MCTP2: variants seen among roughly 807,000 people sequenced by gnomAD.
MCTP2 encodes the protein multiple C2 and transmembrane domain-containing protein 2.
In MCTP2, 132 loss-of-function variants were observed where a neutral mutation model predicts 111.6. That is an observed-to-expected ratio of 1.18 (90% CI 1.03 to 1.37). The LOEUF is 1.37. MCTP2 is among the 40% of genes most tolerant of loss of function. MCTP2 has a pLI of 0.00. For missense variants in MCTP2, 1,183 were observed against 1,067.9 expected (o/e 1.11, Z -1.50); for synonymous variants, 395 against 387.7 (o/e 1.02, Z -0.22).
intron 8 of MCTP2, among the ~76,000 whole-genome samples, chr15:94,345,802 A>G (rs1010470749): frequency 3.3e-5 from 5 of 152,236 alleles, no homozygotes; most frequent in Non-Finnish European, 5.9e-5. Context: ...ACAGCAAAAA[A>G]GTATTTGTAA....
rs965910434 is a variant in MCTP2, at chr15:94,340,847, A to C, written c.892A>C (p.Asn298His). The change falls in exon 7 of 23, where the codon AAC becomes CAC. Residue 298 changes from asparagine (N) to histidine (H), a missense_variant. Physicochemically the swap from Asn to His is moderately conservative, Grantham distance 68. Coordinates refer to ENST00000357742, the MANE Select transcript of MCTP2 (RefSeq NM_001385001.1). ...ACATATTTTAAAACTGGAAGATCCA[A>C]ACAGTTTAGAAGATGACATGGGAGT... ...TEHILKLEDP[N>H]SLEDDMGVIV... 1 of 1,612,394 alleles carries C rather than the reference A, an allele frequency of 6.2e-7. No individual in the cohort carries two copies. The highest frequency in any genetic ancestry group is 1.3e-5 in the African/African-American group (1 of 74,828).
chr15:94,244,358 A>G lies in MCTP2; in HGVS notation c.-66+12694A>G, dbSNP rs548639795. On this transcript the variant is annotated intron_variant, in intron 1 of 22. Transcript: ENST00000357742. The stretch of plus-strand genomic sequence containing the variant: ...TATACACGTATACGTATACACATAC[A>G]TATGTATATATACGTATATGTATAC... Among the ~76,000 whole-genome samples, 69 of 149,196 alleles carry G rather than the reference A, an allele frequency of 4.6e-4. 2 individuals are homozygous for G. Among genetic ancestry groups the G allele is most frequent in the African/African-American group, 1.5e-3 (62 of 40,734 alleles).
intron 12 of MCTP2, among the ~76,000 whole-genome samples, chr15:94,377,710 T>A (rs1007150996): frequency 3.3e-5 from 5 of 152,162 alleles, no homozygotes; most frequent in African/African-American, 1.2e-4. Flanking sequence ...AGTGACTGAT[T>A]TAACCAGTGA....
chr15:94,413,436 CT>C (rs552121253), intron 17 of MCTP2, among the ~76,000 whole-genome samples: 17 of 148,222 alleles, frequency 1.1e-4, no homozygotes, highest in Admixed American at 2.0e-4. Flanking sequence ...TTTAAGGCTT[CT>C]TTTTTTTTTA....
chr15:94,285,578 T>A (rs989077261), intron 1 of MCTP2, among the ~76,000 whole-genome samples: 2 of 152,200 alleles, frequency 1.3e-5, no homozygotes, highest in African/African-American at 4.8e-5. Flanking sequence ...TTACACATTT[T>A]ATTGAATTCA....
intron 2 of MCTP2, among the ~76,000 whole-genome samples, chr15:94,303,322 C>T (rs1431453009): frequency 6.6e-6 from 1 of 151,724 alleles, no homozygotes; most frequent in Non-Finnish European, 1.5e-5. Context: ...AAGCATCCAG[C>T]ATGGGAGAAA....
intron 10 of MCTP2, among the ~76,000 whole-genome samples, chr15:94,367,152 A>G (rs2079225743): frequency 6.6e-6 from 1 of 151,000 alleles, no homozygotes; most frequent in South Asian, 2.1e-4. Context: ...TTCTCCATTA[A>G]CCCTCTCCCA....
chr15:94,245,158 ATATT>A (rs1013351756), intron 1 of MCTP2, among the ~76,000 whole-genome samples: 28 of 148,000 alleles, frequency 1.9e-4, no homozygotes, highest in Admixed American at 1.5e-3. Flanking sequence ...ACATGTTTGT[ATATT>A]TATACACATG....
At chr15:94,365,767 AACC>A (rs1432983387) in intron 10 of MCTP2, among the ~76,000 whole-genome samples, 1 of 152,198 alleles carries the variant, frequency 6.6e-6, no homozygotes, top group East Asian at 1.9e-4. Context: ...GAACCAACAA[AACC>A]ACCATCCCAA....
At chr15:94,319,395 G>A (rs1052516967) in intron 4 of MCTP2, among the ~76,000 whole-genome samples, 1 of 152,062 alleles carries the variant, frequency 6.6e-6, no homozygotes, top group East Asian at 1.9e-4. Flanking sequence ...ACAATCCTTT[G>A]GACCAATAGT....
intron 1 of MCTP2, among the ~76,000 whole-genome samples, chr15:94,237,102 T>C (rs2070625978): frequency 6.6e-6 from 1 of 152,138 alleles, no homozygotes; most frequent in Non-Finnish European, 1.5e-5. Flanking sequence ...GATGTTTGGA[T>C]GACCCCAAGG....
intron 21 of MCTP2, among the ~76,000 whole-genome samples, chr15:94,475,077 T>C (rs981592235): frequency 6.6e-6 from 1 of 152,220 alleles, no homozygotes; most frequent in Non-Finnish European, 1.5e-5. Flanking sequence ...CTGTTCTCAA[T>C]ACGTCTTTGT....
chr15:94,339,559 T>C lies in MCTP2; in HGVS notation c.780+127T>C, dbSNP rs146059275. The C allele has an allele frequency of 1.1e-3, 704 of 615,754 alleles. 5 individuals are homozygous for C. The highest frequency in any genetic ancestry group is 5.7e-3 in the African/African-American group (303 of 53,194). 38.1% of individuals were successfully genotyped at this position (615,754 alleles called of 1,614,324 possible). A position where few individuals can be genotyped will look rare whatever the true frequency, so the allele number is the denominator to read the frequency against. Reference sequence around the variant, plus strand: ...TTAGGACAGATTAAAAATAATAATATAGAAAAAATTCCTTATACTGTTTGT... The same window carrying C: ...TTAGGACAGATTAAAAATAATAATACAGAAAAAATTCCTTATACTGTTTGT... On this transcript the variant is annotated intron_variant, in intron 5 of 22. Coordinates refer to ENST00000357742, the MANE Select transcript of MCTP2 (RefSeq NM_001385001.1).
At chr15:94,405,082 A>G (rs1050283704) in intron 17 of MCTP2, among the ~76,000 whole-genome samples, 3 of 152,170 alleles carry the variant, frequency 2.0e-5, no homozygotes, top group Admixed American at 6.5e-5. Context: ...CAGGTCCTCT[A>G]ATTGAAATTA....
chr15:94,269,655 G>A (rs1481538194), intron 1 of MCTP2, among the ~76,000 whole-genome samples: 3 of 152,100 alleles, frequency 2.0e-5, no homozygotes, highest in Non-Finnish European at 2.9e-5. Flanking sequence ...TTCATGTTAG[G>A]AAATACTCAA....
chr15:94,478,918 G>A lies in MCTP2; in HGVS notation c.2569-48G>A, dbSNP rs768362134. 2.6e-5 allele frequency: 41 copies of A among 1,568,670 alleles called. No homozygotes were observed. The Middle Eastern group carries it at 1.5e-3, about 59-fold the overall frequency. ...GGGAGCCATTAGCACACACTGTGGC[G>A]AGCTAGGGTTACCTAACCGCCAGCA... is the stretch of plus-strand genomic sequence containing the variant. On this transcript the variant is annotated intron_variant, in intron 22 of 22. Coordinates refer to ENST00000357742, the MANE Select transcript of MCTP2 (RefSeq NM_001385001.1).
intron 9 of MCTP2, among the ~76,000 whole-genome samples, chr15:94,357,312 T>G (rs1301830013): frequency 1.3e-5 from 2 of 152,198 alleles, no homozygotes; most frequent in African/African-American, 4.8e-5. Context: ...AGATAATTAT[T>G]TTAACCAGGT....
chr15:94,354,659 G>A (rs936923399), intron 8 of MCTP2, among the ~76,000 whole-genome samples: 1 of 152,186 alleles, frequency 6.6e-6, no homozygotes, highest in African/African-American at 2.4e-5. Flanking sequence ...GAGTAATACA[G>A]ATAGGAAGTT....
intron 17 of MCTP2, among the ~76,000 whole-genome samples, chr15:94,420,219 T>G (rs1001548719): frequency 6.6e-6 from 1 of 152,144 alleles, no homozygotes; most frequent in African/African-American, 2.4e-5. Flanking sequence ...AAAAAATGAT[T>G]TTTTTCAAAA....
Sources: allele counts gnomAD v4.1 joint callset (sites outside exome capture counted in the v4.1 genomes callset), GRCh38; gene constraint gnomAD v4.1.1; transcripts MANE v1.5; gene names NCBI Gene and HGNC (gene_info 2026-07-23, HGNC 2026-07-21).